RGS6: variants seen among roughly 807,000 people sequenced by gnomAD.
RGS6 encodes the protein regulator of G protein signaling 6, also known as regulator of G-protein signaling 6.
A neutral mutation model predicts 78.5 loss-of-function variants in RGS6; 30 were observed. The observed-to-expected ratio is 0.38, with a 90% confidence interval of 0.29 to 0.52. RGS6 has a LOEUF of 0.52. Among genes scored for constraint, RGS6 ranks in the 20% least tolerant of loss-of-function variants. RGS6 has a pLI of 0.85. For synonymous variants in RGS6, 206 were observed against 206.0 expected (o/e 1.00, Z 0.00); for missense variants, 495 against 609.7 (o/e 0.81, Z 1.98).
At chr14:71,911,205 C>T in the RGS6 span, among the ~76,000 whole-genome samples, 2 of 131,348 alleles carry the variant, frequency 1.5e-5, no homozygotes, top group Admixed American at 1.5e-4. Flanking sequence ...GCAAAATGGC[C>T]AATATCACTG....
At chr14:72,303,271 C>T (rs115836692) in intron 2 of RGS6, among the ~76,000 whole-genome samples, 2,562 of 152,242 alleles carry the variant, frequency 0.017, 66 homozygotes, top group African/African-American at 0.053. Flanking sequence ...GAGGCGGATG[C>T]GGGTGGGTCA....
intron 2 of RGS6, among the ~76,000 whole-genome samples, chr14:71,984,389 A>T (rs140740752): frequency 6.7e-6 from 1 of 149,422 alleles, no homozygotes; most frequent in African/African-American, 2.5e-5. Flanking sequence ...TTGCATCTGT[A>T]GTCCTAGCTA....
chr14:72,297,189 C>G (rs2065008634), intron 2 of RGS6, among the ~76,000 whole-genome samples: 1 of 152,008 alleles, frequency 6.6e-6, no homozygotes, highest in African/African-American at 2.4e-5. Context: ...TATAGTTAAT[C>G]ATGAAATTAG....
At chr14:72,566,888 C>G (rs566419850), downstream of RGS6, among the ~76,000 whole-genome samples, 24 of 152,284 alleles carry the variant, frequency 1.6e-4, 1 homozygote, top group South Asian at 5.0e-3. Context: ...CTCTGACACC[C>G]TCTTGAATAA....
chr14:72,356,710 G>A (rs904992503), intron 3 of RGS6, among the ~76,000 whole-genome samples: 5 of 152,018 alleles, frequency 3.3e-5, no homozygotes, highest in Non-Finnish European at 7.4e-5. Flanking sequence ...TGGTGAGTGA[G>A]TTCTAATGAG....
At chr14:71,933,893 T>C (rs192481890) in intron 1 of RGS6, among the ~76,000 whole-genome samples, 1 of 152,254 alleles carries the variant, frequency 6.6e-6, no homozygotes, top group East Asian at 1.9e-4. Context: ...AGTATCAAAA[T>C]GGAGTTAGAG....
intron 2 of RGS6, among the ~76,000 whole-genome samples, chr14:72,121,509 A>G (rs1018645493): frequency 2.6e-5 from 4 of 152,142 alleles, no homozygotes; most frequent in Non-Finnish European, 5.9e-5. Context: ...GTTTAACTCC[A>G]TTAGGGATCA....
At chr14:72,044,730 G>A (rs920846968) in intron 2 of RGS6, among the ~76,000 whole-genome samples, 69 of 152,254 alleles carry the variant, frequency 4.5e-4, no homozygotes, top group African/African-American at 1.7e-3. Flanking sequence ...AAAATAAGCT[G>A]AGTGTGGTGG....
intron 3 of RGS6, among the ~76,000 whole-genome samples, chr14:72,385,679 A>G (rs1480950834): frequency 6.6e-6 from 1 of 152,166 alleles, no homozygotes; most frequent in Admixed American, 6.5e-5. Flanking sequence ...CAGAGCCAGG[A>G]CATTAGTCAG....
At chr14:72,454,084 C>T (rs2095567235) in intron 3 of RGS6, among the ~76,000 whole-genome samples, 1 of 152,190 alleles carries the variant, frequency 6.6e-6, no homozygotes, top group African/African-American at 2.4e-5. Context: ...AATGCAGGGA[C>T]ACATTCATTC....
At chr14:72,404,325 G>C (rs2092732472) in intron 3 of RGS6, among the ~76,000 whole-genome samples, 1 of 152,180 alleles carries the variant, frequency 6.6e-6, no homozygotes, top group Admixed American at 6.5e-5. Context: ...GGATGGATGG[G>C]ATAATATTTC....
intron 17 of RGS6, among the ~76,000 whole-genome samples, chr14:72,546,351 C>G (rs540051505): frequency 6.6e-6 from 1 of 152,272 alleles, no homozygotes; most frequent in East Asian, 1.9e-4. Context: ...ACAACAGACT[C>G]AGTATGGCTG....
the RGS6 span, among the ~76,000 whole-genome samples, chr14:72,615,892 C>T: frequency 6.6e-6 from 1 of 152,236 alleles, no homozygotes; most frequent in South Asian, 2.1e-4. Context: ...AACAGGATTT[C>T]CACTTCCGGT....
chr14:72,288,295 ACT>A, intron 2 of RGS6, among the ~76,000 whole-genome samples: 1 of 152,204 alleles, frequency 6.6e-6, no homozygotes, highest in African/African-American at 2.4e-5. Flanking sequence ...TACTTTTAAG[ACT>A]CTTCTAATTA....
chr14:72,290,514 C>A (rs2063391869), intron 2 of RGS6, among the ~76,000 whole-genome samples: 1 of 152,160 alleles, frequency 6.6e-6, no homozygotes, highest in South Asian at 2.1e-4. Context: ...CGAAATGGGT[C>A]CTTGGTGAGT....
At chr14:72,082,634 CATAT>C (rs978501337) in intron 2 of RGS6, among the ~76,000 whole-genome samples, 132 of 152,038 alleles carry the variant, frequency 8.7e-4, no homozygotes, top group African/African-American at 2.7e-3. Flanking sequence ...GTACCCCATA[CATAT>C]ATATAGTTAG....
At chr14:72,527,882 A>T (rs1376698169) in intron 15 of RGS6, among the ~76,000 whole-genome samples, 1 of 152,244 alleles carries the variant, frequency 6.6e-6, no homozygotes, top group African/African-American at 2.4e-5. Flanking sequence ...TTAGGTATGG[A>T]GGGCAGAGAT....
At chr14:71,975,286 G>C (rs1279448962) in intron 2 of RGS6, among the ~76,000 whole-genome samples, 1 of 152,094 alleles carries the variant, frequency 6.6e-6, no homozygotes, top group East Asian at 1.9e-4. Context: ...GTTTCTGTTG[G>C]GCAGTTGGCT....
chr14:72,384,969 C>T (rs937811852), intron 3 of RGS6, among the ~76,000 whole-genome samples: 2 of 152,138 alleles, frequency 1.3e-5, no homozygotes, highest in Non-Finnish European at 2.9e-5. Context: ...CCAGGCTGGT[C>T]TCGAACTCCT....
Sources: gnomAD v4.1 joint callset for allele counts (sites outside exome capture counted in the v4.1 genomes callset) on GRCh38, gnomAD v4.1.1 for gene constraint, MANE v1.5 for transcripts, NCBI Gene and HGNC (gene_info 2026-07-23, HGNC 2026-07-21) for gene names.